The following DCLK1 variants were observed in gnomAD, a reference collection of about 807,000 sequenced individuals.
DCLK1 encodes the protein doublecortin like kinase 1.
In DCLK1, 16 loss-of-function variants were observed where a neutral mutation model predicts 86.2. The observed-to-expected ratio is 0.19, with a 90% CI of 0.13 to 0.28. The LOEUF is 0.28. DCLK1 is among the 10% of genes least tolerant of loss of function. DCLK1 has a pLI of 1.00. For synonymous variants in DCLK1, 369 were observed against 370.5 expected, an observed-to-expected ratio of 1.00 and a Z score of 0.05; for missense variants, 590 against 940.2, an observed-to-expected ratio of 0.63 and a Z score of 4.87.
intron 3 of DCLK1, among the ~76,000 whole-genome samples, chr13:35,977,920 G>A (rs1166050591): frequency 3.9e-5 from 6 of 152,064 alleles, no homozygotes; most frequent in Admixed American, 2.0e-4. Flanking sequence ...TAGGACTAAC[G>A]TTCTCTACAC....
intron 4 of DCLK1, among the ~76,000 whole-genome samples, chr13:35,939,543 TA>T (rs889265285): frequency 1.2e-4 from 19 of 152,310 alleles, no homozygotes; most frequent in Admixed American, 2.6e-4. Context: ...TAGCTGGAAC[TA>T]CAGGTGTGCT....
intron 3 of DCLK1, among the ~76,000 whole-genome samples, chr13:36,054,449 C>A (rs914917805): frequency 6.6e-6 from 1 of 152,206 alleles, no homozygotes; most frequent in African/African-American, 2.4e-5. Context: ...AATCTCAGGA[C>A]CTTCACAACA....
At chr13:36,108,187 G>T (rs1157704704) in intron 3 of DCLK1, among the ~76,000 whole-genome samples, 3 of 152,292 alleles carry the variant, frequency 2.0e-5, no homozygotes, top group Non-Finnish European at 4.4e-5. Context: ...CCTGAAAGTT[G>T]CAAGGAAGAG....
chr13:35,855,901 C>T (rs566737864), intron 5 of DCLK1: 5 of 1,049,986 alleles, frequency 4.8e-6, no homozygotes, highest in East Asian at 6.5e-5. Flanking sequence ...ATCTGAAAAT[C>T]GAAATGACAA....
At chr13:35,919,916 G>A (rs533290439) in intron 4 of DCLK1, among the ~76,000 whole-genome samples, 1 of 102,606 alleles carries the variant, frequency 9.7e-6, no homozygotes, top group Non-Finnish European at 1.9e-5. Flanking sequence ...GGGTGGGGGG[G>A]TTGTGAGAAT....
chr13:35,895,988 G>T (rs748727123), intron 4 of DCLK1, among the ~76,000 whole-genome samples: 2 of 151,416 alleles, frequency 1.3e-5, no homozygotes, highest in African/African-American at 4.9e-5. Context: ...AACAAAAATT[G>T]CTATTTTTCT....
intron 3 of DCLK1, among the ~76,000 whole-genome samples, chr13:36,110,306 C>T (rs1926324): frequency 0.34 from 51,744 of 151,910 alleles, 9,813 homozygotes; most frequent in East Asian, 0.72. Flanking sequence ...GATAGATTTA[C>T]GACATTTAGG....
chr13:35,809,671 C>G (rs1304034072), intron 12 of DCLK1, among the ~76,000 whole-genome samples: 1 of 152,150 alleles, frequency 6.6e-6, no homozygotes, highest in Non-Finnish European at 1.5e-5. Flanking sequence ...CTCCCAGCAG[C>G]AAGCAGAGCA....
intron 3 of DCLK1, among the ~76,000 whole-genome samples, chr13:36,034,277 T>C (rs1484220846): frequency 1.3e-5 from 2 of 152,222 alleles, no homozygotes; most frequent in Non-Finnish European, 2.9e-5. Flanking sequence ...TCTCCCAGAA[T>C]AGAATCAATA....
At chr13:35,923,370 A>G (rs1593736465) in intron 4 of DCLK1, among the ~76,000 whole-genome samples, 2 of 148,688 alleles carry the variant, frequency 1.3e-5, no homozygotes, top group African/African-American at 4.9e-5. Flanking sequence ...CACTAGCTTC[A>G]CTTTCTTTTT....
chr13:35,958,764 A>C (rs958831431), intron 3 of DCLK1, among the ~76,000 whole-genome samples: 1 of 152,246 alleles, frequency 6.6e-6, no homozygotes, highest in Non-Finnish European at 1.5e-5. Flanking sequence ...TATTTTAGGA[A>C]TAAATTTACT....
intron 3 of DCLK1, among the ~76,000 whole-genome samples, chr13:36,062,085 T>C (rs1010204782): frequency 6.6e-6 from 1 of 152,208 alleles, no homozygotes; most frequent in African/African-American, 2.4e-5. Flanking sequence ...TTTTAAAATG[T>C]CACCCTTGTG....
At chr13:36,091,301 C>T (rs890624965) in intron 3 of DCLK1, among the ~76,000 whole-genome samples, 5 of 152,096 alleles carry the variant, frequency 3.3e-5, no homozygotes, top group African/African-American at 1.2e-4. Flanking sequence ...ACCATGATGG[C>T]ACATGTATAC....
intron 5 of DCLK1, among the ~76,000 whole-genome samples, chr13:35,870,528 G>A (rs570425390): frequency 6.6e-5 from 10 of 152,286 alleles, no homozygotes; most frequent in Admixed American, 1.3e-4. Context: ...CATTTGCATC[G>A]TTTAATAATT....
At chr13:35,907,675 A>G (rs1240647319) in intron 4 of DCLK1, among the ~76,000 whole-genome samples, 2 of 152,142 alleles carry the variant, frequency 1.3e-5, no homozygotes, top group Non-Finnish European at 2.9e-5. Flanking sequence ...CCCAGGCCCC[A>G]AAGCCACCCC....
chr13:35,838,765 T>C (rs1030677647), intron 7 of DCLK1, among the ~76,000 whole-genome samples: 43 of 152,204 alleles, frequency 2.8e-4, no homozygotes, highest in African/African-American at 1.0e-3. Flanking sequence ...ACACTAAAAG[T>C]GAACAGAGTT....
intron 3 of DCLK1, among the ~76,000 whole-genome samples, chr13:36,061,512 C>T (rs974934562): frequency 9.9e-5 from 15 of 152,166 alleles, no homozygotes; most frequent in South Asian, 4.1e-4. Flanking sequence ...CAATTCTCCA[C>T]AAATTTCCAT....
chr13:36,065,893 T>C (rs562985112), intron 3 of DCLK1, among the ~76,000 whole-genome samples: 18 of 152,338 alleles, frequency 1.2e-4, no homozygotes, highest in African/African-American at 4.1e-4. Flanking sequence ...AGAGTATCTA[T>C]GCACATTCTG....
intron 4 of DCLK1, among the ~76,000 whole-genome samples, chr13:35,881,298 C>T (rs569502452): frequency 6.6e-6 from 1 of 152,280 alleles, no homozygotes; most frequent in African/African-American, 2.4e-5. Flanking sequence ...TTTGCACTTC[C>T]AACTTAGCAC....
Sources: allele counts gnomAD v4.1 joint callset (sites outside exome capture counted in the v4.1 genomes callset), GRCh38; gene constraint gnomAD v4.1.1; transcripts MANE v1.5; gene names NCBI Gene and HGNC (gene_info 2026-07-23, HGNC 2026-07-21).